SGCG: variants seen among roughly 807,000 people sequenced by gnomAD.
SGCG encodes sarcoglycan gamma.
A neutral mutation model predicts 29.3 loss-of-function variants in SGCG; 26 were observed. The ratio of observed to expected loss-of-function variants is 0.89; its 90% CI spans 0.65 to 1.23. The LOEUF is 1.23. Among genes scored for constraint, SGCG ranks in the 50% most tolerant of loss-of-function variants. The pLI, the probability that SGCG is intolerant of heterozygous loss-of-function variation, is 0.00. For synonymous variants in SGCG, 145 were observed against 129.7 expected, an observed-to-expected ratio of 1.12 and a Z score of -0.80; for missense variants, 353 against 356.0, an observed-to-expected ratio of 0.99 and a Z score of 0.07.
chr13:23,232,800 A>C (rs1361910579), intron 2 of SGCG, among the ~76,000 whole-genome samples: 1 of 152,152 alleles, frequency 6.6e-6, no homozygotes, highest in East Asian at 1.9e-4. Context: ...GACAGTCAGA[A>C]GGGGAGGACA....
At chr13:23,294,844 G>T (rs1881842846) in intron 5 of SGCG, among the ~76,000 whole-genome samples, 1 of 152,128 alleles carries the variant, frequency 6.6e-6, no homozygotes. Flanking sequence ...ACATCAAAGA[G>T]CATGTCACTT....
chr13:23,298,876 G>A (rs763777505), intron 6 of SGCG, among the ~76,000 whole-genome samples: 3 of 152,084 alleles, frequency 2.0e-5, no homozygotes, highest in Admixed American at 6.5e-5. Flanking sequence ...TCTAAAAGGC[G>A]GTACTGAGGA....
At chr13:23,213,070 T>A (rs537719971) in intron 2 of SGCG, among the ~76,000 whole-genome samples, 12 of 152,044 alleles carry the variant, frequency 7.9e-5, no homozygotes, top group Non-Finnish European at 1.6e-4. Flanking sequence ...TACGGAGCTG[T>A]CAGTTTTATT....
chr13:23,215,988 G>A (rs1451811373), intron 2 of SGCG, among the ~76,000 whole-genome samples: 2 of 152,052 alleles, frequency 1.3e-5, no homozygotes, highest in Non-Finnish European at 2.9e-5. Context: ...CAGAAAACGA[G>A]ATATGTAAAA....
At chr13:23,288,042 T>C (rs561638461) in intron 5 of SGCG, among the ~76,000 whole-genome samples, 114 of 152,342 alleles carry the variant, frequency 7.5e-4, no homozygotes, top group African/African-American at 2.7e-3. Context: ...CGTGAGCCAC[T>C]GCGCCCAGCC....
At chr13:23,293,312 A>G (rs1049764785) in intron 5 of SGCG, among the ~76,000 whole-genome samples, 1 of 152,150 alleles carries the variant, frequency 6.6e-6, no homozygotes, top group Non-Finnish European at 1.5e-5. Flanking sequence ...TTTTATGTAA[A>G]TCATCCTACT....
chr13:23,237,237 C>T (rs571619618), intron 3 of SGCG, among the ~76,000 whole-genome samples: 1 of 152,330 alleles, frequency 6.6e-6, no homozygotes, highest in African/African-American at 2.4e-5. Flanking sequence ...AACCCATCCA[C>T]CATGCCCATT....
At chr13:23,176,720 T>C (rs905979112), upstream of SGCG, among the ~76,000 whole-genome samples, 3 of 152,136 alleles carry the variant, frequency 2.0e-5, no homozygotes, top group Non-Finnish European at 2.9e-5. Context: ...ATTTAACCTA[T>C]TTACATGGAA....
chr13:23,255,077 G>A (rs1385837131), intron 4 of SGCG, among the ~76,000 whole-genome samples: 1 of 152,204 alleles, frequency 6.6e-6, no homozygotes, highest in East Asian at 1.9e-4. Flanking sequence ...AGTCCCTACT[G>A]GGGCATTGCC....
the SGCG span, among the ~76,000 whole-genome samples, chr13:23,170,940 C>G: frequency 6.6e-6 from 1 of 152,120 alleles, no homozygotes; most frequent in East Asian, 1.9e-4. Flanking sequence ...GCTGTTGACC[C>G]ATGATGTCGA....
At chr13:23,211,534 G>T (rs1216408227) in intron 2 of SGCG, among the ~76,000 whole-genome samples, 1 of 152,078 alleles carries the variant, frequency 6.6e-6, no homozygotes, top group Non-Finnish European at 1.5e-5. Flanking sequence ...CCACTTACCT[G>T]CACATCACTT....
chr13:23,205,388 T>A (rs1202008982), intron 2 of SGCG, among the ~76,000 whole-genome samples: 1 of 152,202 alleles, frequency 6.6e-6, no homozygotes, highest in Non-Finnish European at 1.5e-5. Flanking sequence ...GAGCCCTGCA[T>A]CAGCCTGCTG....
chr13:23,261,984 A>G (rs9552895), intron 4 of SGCG, among the ~76,000 whole-genome samples: 56,860 of 151,842 alleles, frequency 0.37, 11,150 homozygotes, highest in South Asian at 0.51. Context: ...CACTAGACTA[A>G]CCCTAAAAGA....
chr13:23,295,421 A>G lies in SGCG; in HGVS notation c.512A>G (p.Glu171Gly), dbSNP rs1881865244. 2 of 1,613,570 alleles carry G rather than the reference A, an allele frequency of 1.2e-6. No individual in the cohort carries two copies. Among genetic ancestry groups the G allele is most frequent in the Non-Finnish European group, 1.7e-6 (2 of 1,179,488 alleles). Residue 171 changes from glutamate (E) to glycine (G), a missense_variant, in exon 6 of 8, where the codon GAA becomes GGA. Transcript: ENST00000218867. ...ATCTTTGTTTTTTGTTTAGGGCCTG[A>G]AGGGGCTCTTTTTGAACATTCAGTG... is the stretch of plus-strand genomic sequence containing the variant. ...GTDKLRVTGP[E>G]GALFEHSVET...
At chr13:23,240,958 C>T (rs542215796) in intron 3 of SGCG, among the ~76,000 whole-genome samples, 2 of 151,860 alleles carry the variant, frequency 1.3e-5, no homozygotes, top group South Asian at 4.2e-4. Flanking sequence ...TCGAGACCAT[C>T]CTAACACGGT....
chr13:23,296,424 C>G (rs1881911474), intron 6 of SGCG, among the ~76,000 whole-genome samples: 1 of 152,166 alleles, frequency 6.6e-6, no homozygotes, highest in South Asian at 2.1e-4. Flanking sequence ...TTTGTAGTAA[C>G]ATGCACATAA....
At chr13:23,203,643 C>T in intron 1 of SGCG, 52 bp from the exon 2 acceptor site, 1 of 1,396,600 alleles carries the variant, frequency 7.2e-7, no homozygotes, top group Non-Finnish European at 1.0e-6. Context: ...TTGCCTCCCT[C>T]ATTCCCTCTC....
chr13:23,304,655 G>A (rs1256342749), intron 6 of SGCG, among the ~76,000 whole-genome samples: 1 of 152,006 alleles, frequency 6.6e-6, no homozygotes, highest in African/African-American at 2.4e-5. Flanking sequence ...CCAGGCTGGA[G>A]TGCAGTGGCA....
chr13:23,299,291 C>A (rs11840926), intron 6 of SGCG, among the ~76,000 whole-genome samples: 12,209 of 68,736 alleles, frequency 0.18, 522 homozygotes, highest in South Asian at 0.24. Context: ...ATGGTCATAT[C>A]TTCTTCTTCT....
Sources: allele counts gnomAD v4.1 joint callset (sites outside exome capture counted in the v4.1 genomes callset), GRCh38; gene constraint gnomAD v4.1.1; transcripts MANE v1.5; gene names NCBI Gene and HGNC (gene_info 2026-07-23, HGNC 2026-07-21).